Variants in NPAS3 observed in about 807,000 individuals in gnomAD.
The protein encoded by NPAS3 is neuronal PAS domain-containing protein 3.
NPAS3 carries 14 observed loss-of-function variants against 73.1 expected under a neutral mutation model. That is an observed-to-expected ratio of 0.19 (90% CI 0.13 to 0.30). The LOEUF is 0.30. Ranked by LOEUF, NPAS3 falls within the 10% of genes least tolerant of loss-of-function variation. The pLI is 1.00. For synonymous variants in NPAS3, 620 were observed against 541.5 expected, an observed-to-expected ratio of 1.14 and a Z score of -2.01; for missense variants, 1,096 against 1,250.0, an observed-to-expected ratio of 0.88 and a Z score of 1.86.
intron 4 of NPAS3, among the ~76,000 whole-genome samples, chr14:33,514,530 G>A (rs929960975): frequency 6.6e-6 from 1 of 152,034 alleles, no homozygotes; most frequent in Admixed American, 6.6e-5. Context: ...GTAAGTTGAT[G>A]AGGAAGCAAA....
chr14:33,370,567 A>G (rs12436060), intron 4 of NPAS3, among the ~76,000 whole-genome samples: 27,025 of 152,094 alleles, frequency 0.18, 2,732 homozygotes, highest in East Asian at 0.36. Context: ...GCTTTTATGC[A>G]GCAGTGACAA....
intron 4 of NPAS3, among the ~76,000 whole-genome samples, chr14:33,549,802 A>T (rs2055025259): frequency 6.6e-6 from 1 of 152,128 alleles, no homozygotes; most frequent in Non-Finnish European, 1.5e-5. Flanking sequence ...CATTCCCATG[A>T]TTCCTGTTAA....
chr14:33,570,773 T>C lies in NPAS3; in HGVS notation c.558+10563T>C, dbSNP rs572564053. ...ACAACTGCTCTGTGACACTGGATGA[T>C]ATGTTTATCCTTTCATTATCACTTA... On this transcript the variant is annotated intron_variant, in intron 5 of 11. Coordinates refer to ENST00000356141, the Ensembl canonical transcript of NPAS3. Among the ~76,000 whole-genome samples, 4 of 152,344 alleles carry C rather than the reference T, an allele frequency of 2.6e-5. No individual in the cohort carries two copies. In the South Asian group the frequency reaches 8.3e-4, roughly 32 times the overall value.
chr14:33,561,619 AG>A (rs1403916314), intron 5 of NPAS3, among the ~76,000 whole-genome samples: 1 of 152,208 alleles, frequency 6.6e-6, no homozygotes, highest in Non-Finnish European at 1.5e-5. Flanking sequence ...TCTGGGACCT[AG>A]TATTGAGAAT....
chr14:33,299,284 A>G (rs2042428645), intron 3 of NPAS3, among the ~76,000 whole-genome samples: 1 of 152,124 alleles, frequency 6.6e-6, no homozygotes, highest in African/African-American at 2.4e-5. Context: ...TTCCATGGGA[A>G]TGGGTTTGCG....
chr14:33,680,388 T>C (rs2059899966), intron 6 of NPAS3, among the ~76,000 whole-genome samples: 1 of 152,206 alleles, frequency 6.6e-6, no homozygotes, highest in East Asian at 1.9e-4. Context: ...ACCACCACCA[T>C]CCCAACTATC....
intron 7 of NPAS3, among the ~76,000 whole-genome samples, chr14:33,755,295 C>T (rs2062081568): frequency 6.6e-6 from 1 of 152,050 alleles, no homozygotes; most frequent in African/African-American, 2.4e-5. Flanking sequence ...AATATATTGG[C>T]TTAGCTTATG....
intron 2 of NPAS3, among the ~76,000 whole-genome samples, chr14:33,189,353 G>T (rs996269246): frequency 1.3e-5 from 2 of 152,198 alleles, no homozygotes; most frequent in African/African-American, 4.8e-5. Flanking sequence ...TACGCTATAG[G>T]TGAGAGGTTC....
At chr14:33,293,864 G>C (rs2042192145) in intron 3 of NPAS3, among the ~76,000 whole-genome samples, 1 of 152,186 alleles carries the variant, frequency 6.6e-6, no homozygotes. Flanking sequence ...AAAATAAACA[G>C]ACATTTGTCA....
chr14:33,145,833 G>A (rs1370029530), intron 2 of NPAS3, among the ~76,000 whole-genome samples: 1 of 152,140 alleles, frequency 6.6e-6, no homozygotes, highest in East Asian at 1.9e-4. Context: ...GTCAGGGCCA[G>A]GGTATAACCC....
At chr14:33,254,507 G>T (rs985685135) in intron 3 of NPAS3, among the ~76,000 whole-genome samples, 1 of 151,884 alleles carries the variant, frequency 6.6e-6, no homozygotes, top group Non-Finnish European at 1.5e-5. Flanking sequence ...GCTTATTTAC[G>T]TTTCACCTTC....
intron 1 of NPAS3, among the ~76,000 whole-genome samples, chr14:33,012,360 C>T (rs1415787699): frequency 1.3e-5 from 2 of 152,120 alleles, no homozygotes; most frequent in African/African-American, 4.8e-5. Flanking sequence ...CTGATTATTG[C>T]AATGAAGGCA....
intron 4 of NPAS3, among the ~76,000 whole-genome samples, chr14:33,416,658 TA>T (rs1566883658): frequency 1.3e-5 from 2 of 152,062 alleles, no homozygotes; most frequent in African/African-American, 4.8e-5. Flanking sequence ...TTAAAACTTT[TA>T]TTTCTTGCTT....
chr14:33,486,943 G>A (rs975353250), intron 4 of NPAS3, among the ~76,000 whole-genome samples: 3 of 152,154 alleles, frequency 2.0e-5, no homozygotes, highest in Non-Finnish European at 2.9e-5. Flanking sequence ...TTCATGCTTG[G>A]TTTGTTTATG....
At chr14:33,023,956 G>C (rs144027099) in intron 1 of NPAS3, among the ~76,000 whole-genome samples, 2 of 152,108 alleles carry the variant, frequency 1.3e-5, no homozygotes, top group Non-Finnish European at 2.9e-5. Flanking sequence ...GATGAAAAAA[G>C]ATACTGATGT....
intron 2 of NPAS3, among the ~76,000 whole-genome samples, chr14:33,069,435 C>T (rs2041403881): frequency 6.6e-6 from 1 of 152,114 alleles, no homozygotes; most frequent in Non-Finnish European, 1.5e-5. Flanking sequence ...CGTTAAAGGC[C>T]AATGATTGCC....
chr14:33,224,875 C>A (rs1319188663), intron 3 of NPAS3, among the ~76,000 whole-genome samples: 1 of 152,028 alleles, frequency 6.6e-6, no homozygotes, highest in African/African-American at 2.4e-5. Flanking sequence ...AGGAAACTGG[C>A]TGAAGCATAG....
At chr14:33,643,805 G>C (rs1216490541) in intron 5 of NPAS3, among the ~76,000 whole-genome samples, 1 of 152,172 alleles carries the variant, frequency 6.6e-6, no homozygotes, top group South Asian at 2.1e-4. Context: ...TCTCTCTGCT[G>C]TCTGTAGAAT....
intron 2 of NPAS3, among the ~76,000 whole-genome samples, chr14:33,167,194 A>G (rs1272077360): frequency 6.6e-6 from 1 of 152,216 alleles, no homozygotes; most frequent in Non-Finnish European, 1.5e-5. Flanking sequence ...GCAACAAAAG[A>G]CAATGCAGTT....
Sources: gnomAD v4.1 joint callset for allele counts (sites outside exome capture counted in the v4.1 genomes callset) on GRCh38, gnomAD v4.1.1 for gene constraint, MANE v1.5 for transcripts, NCBI Gene and HGNC (gene_info 2026-07-23, HGNC 2026-07-21) for gene names.